Variants in UNC13C observed in about 807,000 individuals in gnomAD.
UNC13C encodes the protein protein unc-13 homolog C.
Under a neutral mutation model 245.4 loss-of-function variants are expected in UNC13C, and 174 were observed. The ratio of observed to expected loss-of-function variants is 0.71; its 90% CI spans 0.63 to 0.80. The LOEUF (loss-of-function observed/expected upper bound fraction) is 0.80, where lower values mean the gene tolerates loss of function less well. Ranked by LOEUF, UNC13C falls within the 30% of genes least tolerant of loss-of-function variation. The pLI, the probability that UNC13C is intolerant of heterozygous loss-of-function variation, is 0.00. For missense variants in UNC13C, 2,829 were observed against 2,602.9 expected (o/e 1.09, Z -1.89); for synonymous variants, 992 against 895.1 (o/e 1.11, Z -1.93).
intron 25 of UNC13C, among the ~76,000 whole-genome samples, chr15:54,526,679 G>A (rs1398295296): frequency 1.3e-5 from 2 of 148,580 alleles, no homozygotes; most frequent in South Asian, 4.3e-4. Flanking sequence ...TGGAGGTGGA[G>A]CTTGCAGTGA....
the UNC13C span, among the ~76,000 whole-genome samples, chr15:53,859,052 T>G: frequency 6.6e-6 from 1 of 152,284 alleles, no homozygotes; most frequent in East Asian, 1.9e-4. Flanking sequence ...TTTTATTTTT[T>G]TCTTATTTGA....
intron 17 of UNC13C, among the ~76,000 whole-genome samples, chr15:54,343,510 T>C (rs2038787512): frequency 1.3e-5 from 2 of 152,188 alleles, no homozygotes; most frequent in African/African-American, 4.8e-5. Flanking sequence ...TGAACCAAAC[T>C]GCTCTGCTCT....
intron 2 of UNC13C, among the ~76,000 whole-genome samples, chr15:54,087,067 TAC>T (rs1264964481): frequency 6.6e-6 from 1 of 152,138 alleles, no homozygotes; most frequent in East Asian, 1.9e-4. Flanking sequence ...ACTTGTCAGT[TAC>T]TGGAAGCACT....
intron 2 of UNC13C, among the ~76,000 whole-genome samples, chr15:54,043,862 G>C (rs928235482): frequency 6.6e-6 from 1 of 152,132 alleles, no homozygotes; most frequent in African/African-American, 2.4e-5. Flanking sequence ...TTTGGGCCTT[G>C]TATCACTCAC....
intron 29 of UNC13C, among the ~76,000 whole-genome samples, chr15:54,564,035 A>C (rs1897403034): frequency 6.6e-6 from 1 of 152,006 alleles, no homozygotes; most frequent in African/African-American, 2.4e-5. Context: ...TCAAGTTTGC[A>C]TTTGCATAAC....
At chr15:54,549,602 C>CTG (rs1170924852) in intron 27 of UNC13C, 33 bp from the exon 28 acceptor site, 2 of 1,522,148 alleles carry the variant, frequency 1.3e-6, no homozygotes, top group Admixed American at 3.7e-5. Flanking sequence ...TATCTTAAGA[C>CTG]TGAGTCTTCT....
chr15:54,361,022 T>C (rs574847112), intron 17 of UNC13C, among the ~76,000 whole-genome samples: 1 of 152,190 alleles, frequency 6.6e-6, no homozygotes, highest in Non-Finnish European at 1.5e-5. Flanking sequence ...TTGGGAAATA[T>C]TCACCCATTA....
At chr15:54,152,897 T>C (rs1360074190) in intron 4 of UNC13C, among the ~76,000 whole-genome samples, 3 of 152,128 alleles carry the variant, frequency 2.0e-5, no homozygotes, top group African/African-American at 7.2e-5. Context: ...AATTGTATTT[T>C]CCAATGAAGC....
chr15:54,472,547 C>G (rs1892517704), intron 19 of UNC13C, among the ~76,000 whole-genome samples: 1 of 151,754 alleles, frequency 6.6e-6, no homozygotes, highest in African/African-American at 2.4e-5. Flanking sequence ...TCTTCAAAGG[C>G]AGGTCTAATG....
At chr15:54,455,756 A>T (rs997511917) in intron 19 of UNC13C, among the ~76,000 whole-genome samples, 1 of 151,968 alleles carries the variant, frequency 6.6e-6, no homozygotes, top group Admixed American at 6.6e-5. Context: ...TTCCTTATAG[A>T]TTCTGGATAT....
chr15:53,967,705 G>C, the UNC13C span, among the ~76,000 whole-genome samples: 1 of 152,148 alleles, frequency 6.6e-6, no homozygotes, highest in Non-Finnish European at 1.5e-5. Context: ...GGTGGCAGAA[G>C]GGAAGGGGAA....
At position 54,071,797 on chromosome 15, in the gene UNC13C, G is replaced by A. The variant is rs538019174; in HGVS notation, c.2983+55911G>A. Reference sequence around the variant, plus strand: ...CTCTGGTTGCTGTAATGGCAGCGTTGAGTAGTTGCAACAGAGACTACATGT... The same window carrying A: ...CTCTGGTTGCTGTAATGGCAGCGTTAAGTAGTTGCAACAGAGACTACATGT... On this transcript the variant is annotated intron_variant, in intron 2 of 32. Transcript: ENST00000260323. 5.3e-5 allele frequency among the ~76,000 whole-genome samples: 8 copies of A among 152,266 alleles called. No individual in the cohort carries two copies. In the South Asian group the frequency reaches 8.3e-4, roughly 16 times the overall value.
Position 54,602,811 on chromosome 15 carries a change from C to G in UNC13C, c.6107-19516C>G, listed in dbSNP as rs146226345. On this transcript the variant is annotated intron_variant, in intron 30 of 32. Transcript: ENST00000260323. ...GCATTTCTTGATAGTTTTTCATGCC[C>G]AAGATTGGATCCTTGGACATCAGTT... Among the ~76,000 whole-genome samples, 10 of 16,554 alleles carry G rather than the reference C, an allele frequency of 6.0e-4. No homozygotes were observed. In the East Asian group the frequency reaches 0.016, roughly 27 times the overall value. 10.9% of individuals were successfully genotyped at this position (16,554 alleles called of 152,430 possible).
chr15:54,542,077 C>T (rs551383764), intron 26 of UNC13C, among the ~76,000 whole-genome samples: 1 of 152,166 alleles, frequency 6.6e-6, no homozygotes, highest in African/African-American at 2.4e-5. Flanking sequence ...TTGTCCTTTT[C>T]TCAACTGTCA....
At chr15:53,888,339 G>A in the UNC13C span, among the ~76,000 whole-genome samples, 1 of 152,098 alleles carries the variant, frequency 6.6e-6, no homozygotes, top group African/African-American at 2.4e-5. Flanking sequence ...TTTGTTGGCT[G>A]CATAAATGTC....
chr15:54,500,471 T>A (rs1894156729), intron 21 of UNC13C, among the ~76,000 whole-genome samples: 2 of 152,088 alleles, frequency 1.3e-5, no homozygotes, highest in Non-Finnish European at 2.9e-5. Flanking sequence ...GTCCTGGAAC[T>A]TTTCCAGGAT....
At chr15:53,940,235 A>C in the UNC13C span, among the ~76,000 whole-genome samples, 41 of 152,104 alleles carry the variant, frequency 2.7e-4, no homozygotes, top group African/African-American at 8.0e-4. Flanking sequence ...AATACCAAGA[A>C]GTTTTTGGGG....
At chr15:54,559,757 C>T (rs986500938) in intron 29 of UNC13C, among the ~76,000 whole-genome samples, 3 of 151,902 alleles carry the variant, frequency 2.0e-5, no homozygotes, top group Middle Eastern at 3.4e-3. Flanking sequence ...ACATTGCAGG[C>T]CTATAGAAAA....
chr15:54,497,231 T>C (rs1454716784), intron 20 of UNC13C, among the ~76,000 whole-genome samples: 1 of 152,090 alleles, frequency 6.6e-6, no homozygotes, highest in African/African-American at 2.4e-5. Context: ...CAACCAGGAC[T>C]TGAGAATCTA....
Sources: allele counts gnomAD v4.1 joint callset (sites outside exome capture counted in the v4.1 genomes callset), GRCh38; gene constraint gnomAD v4.1.1; transcripts MANE v1.5; gene names NCBI Gene and HGNC (gene_info 2026-07-23, HGNC 2026-07-21).